The following SATL1 variants were observed in gnomAD, a reference collection of about 807,000 sequenced individuals.
SATL1 encodes spermidine/spermine N(1)-acetyltransferase-like protein 1.
SATL1 carries 47 observed loss-of-function variants against 51.8 expected under a neutral mutation model. That is an observed-to-expected ratio of 0.91 (90% CI 0.72 to 1.16). SATL1 has a LOEUF of 1.16. Among genes scored for constraint, SATL1 ranks in the 50% most tolerant of loss-of-function variants. SATL1 has a pLI of 0.00. For missense variants in SATL1, 520 were observed against 526.4 expected (o/e 0.99, Z 0.12); for synonymous variants, 176 against 182.4 (o/e 0.97, Z 0.28).
chrX:85,107,559 G>A lies in SATL1; in HGVS notation c.1410C>T (p.Gly470=), dbSNP rs1261626288. 1.6e-6 allele frequency: 2 copies of A among 1,212,250 alleles called. No homozygotes were observed. Among genetic ancestry groups the A allele is most frequent in the Non-Finnish European group, 2.2e-6 (2 of 895,605 alleles). ...GTSQSSKNQT[G]MSHPGRGQPG... ...GTTGGCCCCTGCCTGGATGGCTCAT[G>A]CCTGTTTGGTTCTTACTTGATTGGC... The change falls in exon 3 of 8, where the codon GGC becomes GGT. Residue 470 remains glycine, a synonymous_variant. Coordinates refer to ENST00000644105, the MANE Select transcript of SATL1 (RefSeq NM_001367857.2).
At chrX:85,096,465 G>A (rs964896044) in intron 4 of SATL1, among the ~76,000 whole-genome samples, 3 of 111,200 alleles carry the variant, frequency 2.7e-5, no homozygotes, top group African/African-American at 9.8e-5. Flanking sequence ...GACTTAACAG[G>A]AGAGAGGGAG....
chrX:85,118,205 A>C (rs1472004604), intron 2 of SATL1: 1 of 106,047 alleles, frequency 9.4e-6, no homozygotes, highest in Non-Finnish European at 1.9e-5. Flanking sequence ...TAGTAGGCTG[A>C]GGCCTAGGGC....
intron 2 of SATL1, among the ~76,000 whole-genome samples, chrX:85,190,090 T>C (rs1167795856): frequency 8.9e-6 from 1 of 112,185 alleles, no homozygotes; most frequent in African/African-American, 3.2e-5. Context: ...ATAACACAGC[T>C]ACATTTGACC....
Position 85,167,282 on chromosome X carries a change from AC to A in SATL1, c.-313+56922del, listed in dbSNP as rs750174231. On this transcript the variant is annotated intron_variant, in intron 2 of 7. Transcript: ENST00000644105. The stretch of plus-strand genomic sequence containing the variant: ...GGGGGTTGATGAGGGACAAAAGACC[AC>A]ACATTGGGTACAGTGTACACTTGTT... Among the ~76,000 whole-genome samples the A allele has an allele frequency of 2.8e-5, 3 of 107,980 alleles. No homozygotes were observed. The East Asian group carries it at 9.0e-4, about 32-fold the overall frequency. 93.8% of individuals were successfully genotyped at this position (107,980 alleles called of 115,157 possible).
chrX:85,174,207 T>G (rs1927039422), intron 2 of SATL1, among the ~76,000 whole-genome samples: 2 of 110,921 alleles, frequency 1.8e-5, no homozygotes, highest in South Asian at 7.7e-4. Context: ...AAGTCTTTGC[T>G]ACTGTGAATA....
In SATL1 at chrX:85,109,213, G is replaced by A. The variant is rs780634259; in HGVS notation, c.-245C>T. ...AGATTATTAATGCCTCCGGTTTGCT[G>A]GAGTTGACTTCACCAGCGACCACAG... On this transcript the variant is annotated 5_prime_UTR_variant, in exon 3 of 8. Transcript: ENST00000644105. 5.0e-6 allele frequency: 2 copies of A among 396,574 alleles called. No individual in the cohort carries two copies. Among genetic ancestry groups the A allele is most frequent in the South Asian group, 9.9e-5 (2 of 20,230 alleles). The allele number at this position is 396,574 out of a possible 1,213,427, so 32.7% of individuals were successfully genotyped here. A position where few individuals can be genotyped will look rare whatever the true frequency, so the allele number is the denominator to read the frequency against.
chrX:85,100,941 C>T (rs1396925498), intron 4 of SATL1, among the ~76,000 whole-genome samples: 2 of 111,894 alleles, frequency 1.8e-5, no homozygotes, highest in Non-Finnish European at 3.8e-5. Flanking sequence ...TATGACCATT[C>T]ATGGGGAAAA....
intron 2 of SATL1, among the ~76,000 whole-genome samples, chrX:85,190,781 G>A (rs763959241): frequency 9.0e-6 from 1 of 110,778 alleles, no homozygotes; most frequent in African/African-American, 3.3e-5. Flanking sequence ...TGCAAATAGT[G>A]TTATAACAAA....
chrX:85,229,361 A>T (rs1928334835), intron 1 of SATL1, among the ~76,000 whole-genome samples: 1 of 111,875 alleles, frequency 8.9e-6, no homozygotes, highest in South Asian at 3.7e-4. Context: ...ATACTCTGAG[A>T]AAAGAAAACT....
At chrX:85,207,376 A>G (rs1190015014) in intron 2 of SATL1, 1 of 111,706 alleles carries the variant, frequency 9.0e-6, no homozygotes, top group Non-Finnish European at 1.9e-5. Flanking sequence ...GCTCCTACTC[A>G]GGCTGTTCCA....
rs746062132 is a variant in SATL1 at position 85,241,468 on chromosome X, T to A, written c.-435+2120A>T. ...TTAAAATAAAATAGAAAAAAATGAATGCTTTGGGCTTATGATGCCTATATA... is the reference window on the plus strand; with the variant it reads ...TTAAAATAAAATAGAAAAAAATGAAAGCTTTGGGCTTATGATGCCTATATA... On this transcript the variant is annotated intron_variant, in intron 1 of 7. Coordinates refer to ENST00000644105, the MANE Select transcript of SATL1 (RefSeq NM_001367857.2). Among the ~76,000 whole-genome samples the A allele has an allele frequency of 2.7e-5, 3 of 112,205 alleles. No individual in the cohort carries two copies. In the South Asian group the frequency reaches 1.1e-3, roughly 41 times the overall value.
Position 85,167,600 on chromosome X carries a change from C to G in SATL1, c.-313+56605G>C, listed in dbSNP as rs756327074. On this transcript the variant is annotated intron_variant, in intron 2 of 7. Coordinates refer to ENST00000644105, the MANE Select transcript of SATL1 (RefSeq NM_001367857.2). ...AGACTGAACCAGGAAGAAATTGAAT[C>G]CCCAAACAGACCAATAACGAGTTCT... Among the ~76,000 whole-genome samples the G allele has an allele frequency of 8.7e-4, 96 of 110,351 alleles. 1 individual carries two copies. Among genetic ancestry groups the G allele is most frequent in the Non-Finnish European group, 2.7e-4 (14 of 52,787 alleles).
At chrX:85,219,826 G>A (rs1049945494) in intron 2 of SATL1, 2 of 109,074 alleles carry the variant, frequency 1.8e-5, no homozygotes, top group African/African-American at 6.7e-5. Context: ...GGTACTCAGA[G>A]TGGAGCAAGA....
chrX:85,118,797 T>C (rs1039387333), intron 2 of SATL1, among the ~76,000 whole-genome samples: 8 of 111,235 alleles, frequency 7.2e-5, no homozygotes, highest in Non-Finnish European at 1.1e-4. Context: ...TCTGAGGTAA[T>C]ACATATGTTA....
At chrX:85,100,137 T>C (rs1924855747) in intron 4 of SATL1, among the ~76,000 whole-genome samples, 1 of 112,049 alleles carries the variant, frequency 8.9e-6, no homozygotes, top group South Asian at 3.7e-4. Context: ...ACCTGGGACA[T>C]GGAGGTTGCA....
intron 2 of SATL1, among the ~76,000 whole-genome samples, chrX:85,163,920 T>C (rs1325402785): frequency 8.9e-6 from 1 of 111,982 alleles, no homozygotes; most frequent in African/African-American, 3.2e-5. Context: ...GTAGTAATCA[T>C]TTTATAAATC....
intron 2 of SATL1, among the ~76,000 whole-genome samples, chrX:85,174,243 T>C (rs1248160679): frequency 9.0e-6 from 1 of 110,624 alleles, no homozygotes; most frequent in Non-Finnish European, 1.9e-5. Context: ...TACGTGTGCA[T>C]GTTTCTTTAT....
chrX:85,197,000 G>T (rs1425477513), intron 2 of SATL1, among the ~76,000 whole-genome samples: 3 of 111,532 alleles, frequency 2.7e-5, no homozygotes, highest in African/African-American at 9.8e-5. Context: ...GACTGGAAAT[G>T]ATCAAACTTT....
chrX:85,160,910 T>G (rs1926704506), intron 2 of SATL1, among the ~76,000 whole-genome samples: 1 of 111,099 alleles, frequency 9.0e-6, no homozygotes, highest in Admixed American at 9.6e-5. Flanking sequence ...AAAAAAATCT[T>G]AAAGGCAGCT....
Sources: allele counts gnomAD v4.1 joint callset (sites outside exome capture counted in the v4.1 genomes callset), GRCh38; gene constraint gnomAD v4.1.1; transcripts MANE v1.5; gene names NCBI Gene and HGNC (gene_info 2026-07-23, HGNC 2026-07-21).